Variants in TLN2 observed in about 807,000 individuals in gnomAD.
The protein encoded by TLN2 is talin-2.
TLN2 carries 118 observed loss-of-function variants against 294.7 expected under a neutral mutation model. The observed-to-expected ratio is 0.40, with a 90% CI of 0.34 to 0.47. The LOEUF (loss-of-function observed/expected upper bound fraction) is 0.47, where lower values mean the gene tolerates loss of function less well. Ranked by LOEUF, TLN2 falls within the 20% of genes least tolerant of loss-of-function variation. TLN2 has a pLI of 0.84. For missense variants in TLN2, 3,083 were observed against 3,282.2 expected (o/e 0.94, Z 1.48); for synonymous variants, 1,431 against 1,304.5 (o/e 1.10, Z -2.09).
At chr15:62,600,514 A>C (rs566977937) in intron 2 of TLN2, among the ~76,000 whole-genome samples, 7 of 152,162 alleles carry the variant, frequency 4.6e-5, no homozygotes, top group Non-Finnish European at 8.8e-5. Flanking sequence ...ACTCACTCTC[A>C]GCATCAAGAC....
chr15:62,627,732 GTATGTTAATTTTCTT>G (rs1378317775), intron 3 of TLN2, among the ~76,000 whole-genome samples: 2 of 152,144 alleles, frequency 1.3e-5, no homozygotes, highest in Non-Finnish European at 2.9e-5. Context: ...TTAGGATCAA[GTATGTTAATTTTCTT>G]TACGTTTTCT....
rs1051504947 is a variant in TLN2 at position 62,394,809 on chromosome 15, C to G, written c.-238+4124C>G. Among the ~76,000 whole-genome samples the G allele has an allele frequency of 3.3e-5, 5 of 152,164 alleles. No individual in the cohort carries two copies. In the South Asian group the frequency reaches 1.0e-3, roughly 32 times the overall value. ...GGGGCAGGTGCCATTTGAATAACAG[C>G]TGGTGGACAAGGTTGGGTACAAAAT... On this transcript the variant is annotated intron_variant, in intron 1 of 58. Coordinates refer to ENST00000636159, the MANE Select transcript of TLN2 (RefSeq NM_015059.3).
At chr15:62,739,813 G>A (rs1176560322) in intron 31 of TLN2, among the ~76,000 whole-genome samples, 1 of 152,158 alleles carries the variant, frequency 6.6e-6, no homozygotes, top group African/African-American at 2.4e-5. Context: ...CTATTTGGAG[G>A]GAGGGTAGGA....
intron 1 of TLN2, among the ~76,000 whole-genome samples, chr15:62,500,485 C>G (rs975692110): frequency 3.2e-4 from 48 of 152,312 alleles, no homozygotes; most frequent in African/African-American, 1.1e-3. Flanking sequence ...TACTGCAAAA[C>G]AAGAAGACAC....
At chr15:62,744,404 AT>A (rs71131126) in intron 32 of TLN2, among the ~76,000 whole-genome samples, 75,708 of 125,008 alleles carry the variant, frequency 0.61, 22,482 homozygotes, top group Non-Finnish European at 0.67. Flanking sequence ...GTTATTTTTA[AT>A]TTTTTTTTTT....
intron 28 of TLN2, among the ~76,000 whole-genome samples, chr15:62,736,612 G>T (rs1473891778): frequency 1.3e-5 from 2 of 152,156 alleles, no homozygotes; most frequent in East Asian, 3.9e-4. Context: ...TCTAGGGACA[G>T]TGGGGCAGTG....
intron 1 of TLN2, among the ~76,000 whole-genome samples, chr15:62,456,001 C>G (rs1158279093): frequency 3.3e-5 from 5 of 151,814 alleles, no homozygotes; most frequent in Admixed American, 6.6e-5. Flanking sequence ...ACCCCAGAAA[C>G]CCAAAGAACT....
In TLN2 at chr15:62,800,508, C is replaced by T. The variant is rs765200837; in HGVS notation, c.6360+15C>T. The T allele has an allele frequency of 9.3e-6, 15 of 1,613,314 alleles. No homozygotes were observed. The highest frequency in any genetic ancestry group is 1.1e-5 in the Non-Finnish European group (13 of 1,179,710). On this transcript the variant is annotated intron_variant, in intron 49 of 58. Coordinates refer to ENST00000636159, the MANE Select transcript of TLN2 (RefSeq NM_015059.3). ...GGGCTGCCAAGGTAGAGTGGGGCTC[C>T]GACTGGGGATGAGCACCTGAGTTCT...
chr15:62,598,661 A>G (rs1050798393), intron 2 of TLN2, among the ~76,000 whole-genome samples: 1 of 151,792 alleles, frequency 6.6e-6, no homozygotes, highest in African/African-American at 2.4e-5. Context: ...TTAATGCCTC[A>G]TATATTTTTG....
At position 62,692,793 on chromosome 15, in the gene TLN2, C is replaced by T. The variant is rs781230169; in HGVS notation, c.1114-47C>T. ...GCTGGACCTGCTAGCCTTTAAAATG[C>T]TGATATATCTGATTTGGCTATATTT... is the stretch of plus-strand genomic sequence containing the variant. On this transcript the variant is annotated intron_variant, in intron 12 of 58. Transcript: ENST00000636159. The T allele has an allele frequency of 4.8e-5, 71 of 1,476,250 alleles. No individual in the cohort carries two copies. The South Asian group carries it at 7.9e-4, about 16-fold the overall frequency. The allele number at this position is 1,476,250 out of a possible 1,614,324, so 91.4% of individuals were successfully genotyped here.
intron 28 of TLN2, among the ~76,000 whole-genome samples, chr15:62,734,836 C>T: frequency 6.6e-6 from 1 of 152,176 alleles, no homozygotes; most frequent in Non-Finnish European, 1.5e-5. Context: ...GATCTGAGGC[C>T]TTTCACACTC....
chr15:62,513,256 C>G (rs1477452241), intron 1 of TLN2, among the ~76,000 whole-genome samples: 2 of 152,154 alleles, frequency 1.3e-5, no homozygotes, highest in Non-Finnish European at 2.9e-5. Flanking sequence ...TGTGCTTTTC[C>G]TTTGCTTGCT....
At position 62,766,343 on chromosome 15, in the gene TLN2, C is replaced by G. The variant is rs142261304; in HGVS notation, c.5117C>G (p.Ser1706Trp). The change falls in exon 41 of 59, where the codon TCG (serine) becomes TGG (tryptophan). Residue 1706 changes from serine (S) to tryptophan (W), a missense_variant. Transcript: ENST00000636159. ...CAGGCCCTGCAGGAGCAGCTGACTT[C>G]GGTGGTCCAGGAAATCGGACACCTT... ...SVEALQEQLT[S>W]VVQEIGHLID... is the part of the protein sequence containing the mutation. 1 of 1,612,958 alleles carries G rather than the reference C, an allele frequency of 6.2e-7. No homozygotes were observed. The highest frequency in any genetic ancestry group is 1.3e-5 in the African/African-American group (1 of 74,916).
chr15:62,751,371 T>C (rs1396339406), intron 34 of TLN2, among the ~76,000 whole-genome samples: 1 of 152,216 alleles, frequency 6.6e-6, no homozygotes, highest in Non-Finnish European at 1.5e-5. Context: ...AAACTAGAAT[T>C]TCCTCATCCA....
At chr15:62,580,066 G>A (rs2044792141) in intron 1 of TLN2, among the ~76,000 whole-genome samples, 3 of 152,190 alleles carry the variant, frequency 2.0e-5, no homozygotes. Context: ...ACCTCTCCCA[G>A]GCCCTGGCCT....
chr15:62,771,282 G>A (rs1482746494), intron 42 of TLN2, 148 bp downstream of exon 42: 1 of 917,502 alleles, frequency 1.1e-6, no homozygotes, highest in Non-Finnish European at 1.5e-6. Context: ...TAATCTATTG[G>A]CCTTCCCAAG....
In TLN2 at chr15:62,838,881, C is replaced by G. The variant is rs755200024; in HGVS notation, c.7400C>G (p.Ala2467Gly). 2 of 1,614,108 alleles carry G rather than the reference C, an allele frequency of 1.2e-6. No homozygotes were observed. The highest frequency in any genetic ancestry group is 2.2e-5 in the South Asian group (2 of 91,066). Residue 2467 changes from alanine to glycine, a missense_variant, in exon 58 of 59, where the codon GCC (alanine) becomes GGC (glycine). Physicochemically the swap from Ala to Gly is moderately conservative, Grantham distance 60. Transcript: ENST00000636159. Reference protein sequence around the residue: ...LQAAGNAVKRASDNLVRAAQK... With the variant: ...LQAAGNAVKRGSDNLVRAAQK... The stretch of plus-strand genomic sequence containing the variant: ...GCGGCAGGAAATGCTGTGAAAAGAG[C>G]CTCAGACAATCTTGTCCGTGCAGCC...
intron 1 of TLN2, among the ~76,000 whole-genome samples, chr15:62,493,803 G>A (rs949865270): frequency 3.9e-5 from 6 of 152,020 alleles, no homozygotes; most frequent in African/African-American, 1.4e-4. Context: ...TAGAGACACG[G>A]TTTCACCATG....
chr15:62,566,497 G>A (rs1157590113), intron 1 of TLN2, among the ~76,000 whole-genome samples: 1 of 151,986 alleles, frequency 6.6e-6, no homozygotes, highest in Non-Finnish European at 1.5e-5. Context: ...AGAAAATAGA[G>A]GGATGTGCAT....
Sources: gnomAD v4.1 joint callset for allele counts (sites outside exome capture counted in the v4.1 genomes callset) on GRCh38, gnomAD v4.1.1 for gene constraint, MANE v1.5 for transcripts, NCBI Gene and HGNC (gene_info 2026-07-23, HGNC 2026-07-21) for gene names.